KIF6: variants seen among roughly 807,000 people sequenced by gnomAD.
The protein encoded by KIF6 is kinesin-like protein KIF6.
In KIF6, 106 loss-of-function variants were observed where a neutral mutation model predicts 112.7. The observed-to-expected ratio is 0.94, with a 90% CI of 0.80 to 1.11. The LOEUF (loss-of-function observed/expected upper bound fraction) is 1.11. Ranked by LOEUF, KIF6 falls within the 50% of genes least tolerant of loss-of-function variation. KIF6 has a pLI of 0.00. For missense variants in KIF6, 929 were observed against 964.0 expected (o/e 0.96, Z 0.48); for synonymous variants, 339 against 339.9 (o/e 1.00, Z 0.03).
intron 13 of KIF6, among the ~76,000 whole-genome samples, chr6:39,521,090 A>T (rs1014845572): frequency 5.3e-5 from 8 of 152,328 alleles, no homozygotes; most frequent in African/African-American, 1.9e-4. Flanking sequence ...TTGAAAAATG[A>T]AGTGCTGATT....
intron 22 of KIF6, among the ~76,000 whole-genome samples, chr6:39,338,709 T>A (rs749964671): frequency 2.6e-5 from 4 of 152,324 alleles, no homozygotes; most frequent in Non-Finnish European, 4.4e-5. Context: ...GGCATGGCCA[T>A]GGCTGAAACT....
rs186204679 is a variant in KIF6, at chr6:39,389,985, C to T, written c.1811-4313G>A. ...GGCAGAGGTTGCAATGAGCCAAGAT[C>T]GCGCCGCTGCACTCCAGCCTGGGCA... On this transcript the variant is annotated intron_variant, in intron 15 of 22. Transcript: ENST00000287152. 1.0e-3 allele frequency among the ~76,000 whole-genome samples: 146 copies of T among 146,386 alleles called. 1 individual carries two copies. The highest frequency in any genetic ancestry group is 3.7e-3 in the Admixed American group (54 of 14,478).
At position 39,501,110 on chromosome 6, in the gene KIF6, C is replaced by T. The variant is rs140330151; in HGVS notation, c.1645+38893G>A. ...ATGAAGAAAAGGGTGACGGCTTACT[C>T]GGGAGCAACACAGAGCCAAGGGAAT... On this transcript the variant is annotated intron_variant, in intron 13 of 22. Coordinates refer to ENST00000287152, the MANE Select transcript of KIF6 (RefSeq NM_145027.6). Among the ~76,000 whole-genome samples, 318 of 152,130 alleles carry T rather than the reference C, an allele frequency of 2.1e-3. 2 individuals carry two copies. The highest frequency in any genetic ancestry group is 7.3e-3 in the African/African-American group (302 of 41,488).
chr6:39,397,537 C>G (rs1410468693), intron 15 of KIF6, among the ~76,000 whole-genome samples: 1 of 152,090 alleles, frequency 6.6e-6, no homozygotes, highest in Non-Finnish European at 1.5e-5. Context: ...GTTTCCCCCT[C>G]CCTGAACTTG....
intron 3 of KIF6, among the ~76,000 whole-genome samples, chr6:39,657,497 AC>A (rs1785872111): frequency 6.6e-6 from 1 of 152,136 alleles, no homozygotes; most frequent in Non-Finnish European, 1.5e-5. Context: ...TGACCAAACA[AC>A]TAAATCTCCA....
intron 13 of KIF6, among the ~76,000 whole-genome samples, chr6:39,516,512 G>T (rs1231410251): frequency 6.7e-6 from 1 of 148,380 alleles, no homozygotes; most frequent in Non-Finnish European, 1.5e-5. Context: ...TAAAAGTAAT[G>T]TATATATTAT....
intron 5 of KIF6, among the ~76,000 whole-genome samples, chr6:39,617,171 T>C (rs894037598): frequency 2.6e-5 from 4 of 152,192 alleles, no homozygotes; most frequent in Non-Finnish European, 5.9e-5. Context: ...TTAACTTGGA[T>C]ACCTAAGTGG....
At chr6:39,373,435 CTGTT>C (rs1766185230) in intron 16 of KIF6, among the ~76,000 whole-genome samples, 1 of 152,160 alleles carries the variant, frequency 6.6e-6, no homozygotes, top group Admixed American at 6.5e-5. Context: ...GAAATTGTCT[CTGTT>C]TGCTGATGAC....
At chr6:39,550,244 A>C (rs1466133420) in intron 10 of KIF6, among the ~76,000 whole-genome samples, 1 of 152,214 alleles carries the variant, frequency 6.6e-6, no homozygotes, top group East Asian at 1.9e-4. Flanking sequence ...TGGGTTCTAG[A>C]AATTGGCTAG....
intron 10 of KIF6, among the ~76,000 whole-genome samples, chr6:39,568,958 C>G (rs1414464555): frequency 5.3e-5 from 8 of 152,174 alleles, no homozygotes; most frequent in Non-Finnish European, 1.2e-4. Context: ...TTCTCTCTCT[C>G]TCTCTCTCTG....
intron 9 of KIF6, among the ~76,000 whole-genome samples, chr6:39,582,642 T>G (rs941739438): frequency 1.3e-5 from 2 of 152,262 alleles, no homozygotes; most frequent in South Asian, 4.1e-4. Context: ...TTCAAACTCC[T>G]GACCTCAGGT....
intron 5 of KIF6, among the ~76,000 whole-genome samples, chr6:39,619,676 C>T (rs997736041): frequency 2.4e-4 from 36 of 151,958 alleles, no homozygotes. Flanking sequence ...CATGTGAAGC[C>T]CAAACAAGAA....
chr6:39,359,552 T>C (rs994050967), intron 18 of KIF6, among the ~76,000 whole-genome samples: 24 of 152,080 alleles, frequency 1.6e-4, no homozygotes, highest in Admixed American at 1.4e-3. Context: ...TTAAAAGCCA[T>C]TTGCGATACT....
chr6:39,592,607 G>A (rs1015379500), intron 7 of KIF6, among the ~76,000 whole-genome samples: 3 of 152,172 alleles, frequency 2.0e-5, no homozygotes, highest in African/African-American at 7.2e-5. Flanking sequence ...GGGTCACACC[G>A]GGAGCACTCA....
intron 10 of KIF6, among the ~76,000 whole-genome samples, chr6:39,575,107 A>G (rs1162519578): frequency 6.6e-6 from 1 of 152,016 alleles, no homozygotes; most frequent in African/African-American, 2.4e-5. Context: ...GGGTTGTACA[A>G]TCTTCTTGTT....
intron 10 of KIF6, among the ~76,000 whole-genome samples, chr6:39,548,152 G>A (rs1383996344): frequency 6.6e-6 from 1 of 152,132 alleles, no homozygotes; most frequent in Non-Finnish European, 1.5e-5. Flanking sequence ...TTTTTCTTTA[G>A]AAAACAACTT....
At chr6:39,336,673 T>C (rs1762924376) in intron 22 of KIF6, 125 bp from the exon 23 acceptor site, 3 of 824,086 alleles carry the variant, frequency 3.6e-6, no homozygotes. Flanking sequence ...TGCATCTGTG[T>C]CTTGCCTCCC....
At chr6:39,693,067 A>G (rs954778404) in intron 3 of KIF6, among the ~76,000 whole-genome samples, 1 of 152,216 alleles carries the variant, frequency 6.6e-6, no homozygotes, top group Non-Finnish European at 1.5e-5. Context: ...GAACTGGCGT[A>G]CAGCTGCGCT....
intron 13 of KIF6, among the ~76,000 whole-genome samples, chr6:39,532,803 C>A (rs6901155): frequency 0.32 from 49,005 of 152,024 alleles, 10,016 homozygotes; most frequent in African/African-American, 0.57. Context: ...TTATACAAAA[C>A]ATTTCATCTT....
Sources: gnomAD v4.1 joint callset for allele counts (sites outside exome capture counted in the v4.1 genomes callset) on GRCh38, gnomAD v4.1.1 for gene constraint, MANE v1.5 for transcripts, NCBI Gene and HGNC (gene_info 2026-07-23, HGNC 2026-07-21) for gene names.